The following HK1 variants were observed in gnomAD, a reference collection of about 807,000 sequenced individuals.
HK1 encodes hexokinase 1.
HK1 carries 28 observed loss-of-function variants against 91.6 expected under a neutral mutation model. The ratio of observed to expected loss-of-function variants is 0.31; its 90% CI spans 0.23 to 0.42. HK1 has a LOEUF of 0.42. HK1 is among the 10% of genes least tolerant of loss of function. The pLI, the probability that HK1 is intolerant of heterozygous loss-of-function variation, is 1.00. For missense variants in HK1, 770 were observed against 1,219.8 expected (o/e 0.63, Z 5.49); for synonymous variants, 430 against 468.1 (o/e 0.92, Z 1.05).
intron 3 of HK1, among the ~76,000 whole-genome samples, chr10:69,290,206 T>C (rs1218198710): frequency 6.6e-6 from 1 of 152,120 alleles, no homozygotes; most frequent in East Asian, 1.9e-4. Flanking sequence ...CAGAGCCCCA[T>C]TTAAATCACT....
chr10:69,318,004 A>T, upstream of HK1: 2 of 966,072 alleles, frequency 2.1e-6, no homozygotes, highest in Non-Finnish European at 2.5e-6. Context: ...CCCAAGTCCC[A>T]GTGGGCCTGG....
At chr10:69,384,707 G>T in intron 11 of HK1, 89 bp from the exon 12 acceptor site, 1 of 1,465,690 alleles carries the variant, frequency 6.8e-7, no homozygotes, top group South Asian at 1.1e-5. Flanking sequence ...GTTTTCCTAC[G>T]TGTGTGTGTG....
At chr10:69,313,234 C>T (rs1015766148), upstream of HK1, among the ~76,000 whole-genome samples, 3 of 152,162 alleles carry the variant, frequency 2.0e-5, no homozygotes, top group Admixed American at 6.5e-5. Flanking sequence ...GCCTTACAGG[C>T]GCCAGTCAGC....
At chr10:69,349,195 A>T (rs563208672) in intron 2 of HK1, among the ~76,000 whole-genome samples, 1 of 152,330 alleles carries the variant, frequency 6.6e-6, no homozygotes, top group African/African-American at 2.4e-5. Context: ...AAAGGAAATA[A>T]AAATCTAGAA....
chr10:69,274,793 A>G (rs994657903), intron 1 of HK1, among the ~76,000 whole-genome samples: 1 of 152,104 alleles, frequency 6.6e-6, no homozygotes, highest in Non-Finnish European at 1.5e-5. Flanking sequence ...AAAACCAGCT[A>G]TGCATTTGAA....
intron 1 of HK1, among the ~76,000 whole-genome samples, chr10:69,335,462 G>A (rs922250408): frequency 6.6e-6 from 1 of 152,202 alleles, no homozygotes; most frequent in Non-Finnish European, 1.5e-5. Context: ...CTGTGGCGGT[G>A]ATAGCCCCTG....
intron 4 of HK1, among the ~76,000 whole-genome samples, chr10:69,367,043 C>G (rs140371705): frequency 6.6e-6 from 1 of 152,308 alleles, no homozygotes; most frequent in Non-Finnish European, 1.5e-5. Flanking sequence ...TAGCCTGTTC[C>G]CCATGAAGGT....
chr10:69,345,896 T>C (rs776723856), intron 2 of HK1, among the ~76,000 whole-genome samples: 11 of 152,186 alleles, frequency 7.2e-5, no homozygotes, highest in African/African-American at 1.2e-4. Flanking sequence ...GTGAAATGTA[T>C]TTTTCACCCC....
In HK1 at chr10:69,360,249, G is replaced by A. The variant is rs142910741; in HGVS notation, c.375+204G>A. ...GGCCCTGCTTAAACAGAGGCTCTCCGTCTGGGCAAACTGGTGTAGTGGAAG... is the reference window on the plus strand; with the variant it reads ...GGCCCTGCTTAAACAGAGGCTCTCCATCTGGGCAAACTGGTGTAGTGGAAG... On this transcript the variant is annotated intron_variant, in intron 3 of 17. Coordinates refer to ENST00000359426, the MANE Select transcript of HK1 (RefSeq NM_000188.3). Among the ~76,000 whole-genome samples, 62 of 152,344 alleles carry A rather than the reference G, an allele frequency of 4.1e-4. No individual in the cohort carries two copies. The East Asian group carries it at 5.0e-3, about 12-fold the overall frequency.
At chr10:69,315,802 T>C (rs1846607416), upstream of HK1, 2 of 748,698 alleles carry the variant, frequency 2.7e-6, no homozygotes, top group Non-Finnish European at 4.9e-6. Context: ...GCATGAGGGG[T>C]TGGGGGTGGG....
chr10:69,308,892 C>T (rs146998144), intron 5 of HK1, among the ~76,000 whole-genome samples: 3 of 152,280 alleles, frequency 2.0e-5, no homozygotes, highest in African/African-American at 4.8e-5. Context: ...AGAGCTGAGG[C>T]GGTAATGCTC....
chr10:69,295,011 C>A (rs1589446048), intron 3 of HK1, among the ~76,000 whole-genome samples: 1 of 125,124 alleles, frequency 8.0e-6, no homozygotes, highest in African/African-American at 3.1e-5. Flanking sequence ...GCCTGGGCAA[C>A]AGAGAGAGAG....
At chr10:69,325,214 T>C (rs955015639) in intron 1 of HK1, among the ~76,000 whole-genome samples, 7 of 137,250 alleles carry the variant, frequency 5.1e-5, no homozygotes, top group African/African-American at 1.9e-4. Context: ...ACCACTCCCG[T>C]CTAATTTTTT....
At chr10:69,339,774 C>G (rs557560375) in intron 1 of HK1, among the ~76,000 whole-genome samples, 1 of 152,326 alleles carries the variant, frequency 6.6e-6, no homozygotes, top group East Asian at 1.9e-4. Flanking sequence ...CTACTTGGAT[C>G]TGCCTTCTGC....
At chr10:69,295,302 A>T (rs1457748700) in intron 3 of HK1, among the ~76,000 whole-genome samples, 1 of 152,138 alleles carries the variant, frequency 6.6e-6, no homozygotes, top group Non-Finnish European at 1.5e-5. Context: ...TGACCGGCAC[A>T]TCTGTCTTTC....
intron 1 of HK1, among the ~76,000 whole-genome samples, chr10:69,325,498 C>T (rs1847296218): frequency 6.6e-6 from 1 of 151,450 alleles, no homozygotes; most frequent in Admixed American, 6.6e-5. Context: ...GCTGGGATTA[C>T]AGGCACCAGC....
intron 3 of HK1, among the ~76,000 whole-genome samples, chr10:69,292,985 G>A (rs1589443712): frequency 6.6e-6 from 1 of 152,142 alleles, no homozygotes; most frequent in East Asian, 1.9e-4. Context: ...AAGGTGGGGT[G>A]AGGCTCTAAT....
At chr10:69,395,916 A>G (rs1404205557) in intron 16 of HK1, among the ~76,000 whole-genome samples, 1 of 152,176 alleles carries the variant, frequency 6.6e-6, no homozygotes, top group East Asian at 1.9e-4. Flanking sequence ...AAGGGTCAGA[A>G]AAAACAAAAG....
rs1285221810 is a variant in HK1, at chr10:69,318,886, C to T, written c.-62C>T. ...GAGCAGCCGCCGGAGGACCACGGCT[C>T]GCCAGGGCTGCGGAGGACCGACCGT... On this transcript the variant is annotated 5_prime_UTR_variant, in exon 1 of 18. Coordinates refer to ENST00000359426, the MANE Select transcript of HK1 (RefSeq NM_000188.3). 4 of 1,534,464 alleles carry T rather than the reference C, an allele frequency of 2.6e-6. No homozygotes were observed. Among genetic ancestry groups the T allele is most frequent in the Non-Finnish European group, 3.5e-6 (4 of 1,142,580 alleles).
Sources: gnomAD v4.1 joint callset for allele counts (sites outside exome capture counted in the v4.1 genomes callset) on GRCh38, gnomAD v4.1.1 for gene constraint, MANE v1.5 for transcripts, NCBI Gene and HGNC (gene_info 2026-07-23, HGNC 2026-07-21) for gene names.